The following C6 variants were observed in gnomAD, a reference collection of about 807,000 sequenced individuals.
C6 encodes the protein complement C6.
Under a neutral mutation model 112.9 loss-of-function variants are expected in C6, and 101 were observed. The ratio of observed to expected loss-of-function variants is 0.89; its 90% CI spans 0.76 to 1.06. The LOEUF (loss-of-function observed/expected upper bound fraction) is 1.06. C6 is among the 50% of genes least tolerant of loss of function. The probability of loss-of-function intolerance (pLI) is 0.00; values close to 1 mark genes in which losing one functional copy is unlikely to be tolerated. For synonymous variants in C6, 431 were observed against 384.1 expected, an observed-to-expected ratio of 1.12 and a Z score of -1.43; for missense variants, 1,202 against 1,104.6, an observed-to-expected ratio of 1.09 and a Z score of -1.25.
intron 6 of C6, among the ~76,000 whole-genome samples, chr5:41,184,062 C>A (rs1749573870): frequency 6.6e-6 from 1 of 151,746 alleles, no homozygotes; most frequent in South Asian, 2.1e-4. Context: ...TTTGTACCCC[C>A]AACCTCAGCA....
At chr5:41,258,712 A>C (rs1449831913) in intron 1 of C6, among the ~76,000 whole-genome samples, 1 of 152,206 alleles carries the variant, frequency 6.6e-6, no homozygotes, top group African/African-American at 2.4e-5. Flanking sequence ...ATTTATAAAG[A>C]AAAGAGGTTT....
intron 1 of C6, among the ~76,000 whole-genome samples, chr5:41,241,404 T>C (rs1740704042): frequency 6.6e-6 from 1 of 152,146 alleles, no homozygotes; most frequent in South Asian, 2.1e-4. Context: ...TTTACCAGGG[T>C]TGAGCCCCTG....
intron 1 of C6, among the ~76,000 whole-genome samples, chr5:41,220,108 T>A (rs1293465253): frequency 2.0e-5 from 3 of 152,212 alleles, no homozygotes; most frequent in Non-Finnish European, 4.4e-5. Flanking sequence ...AATGTCAACA[T>A]CTACTGACCT....
At chr5:41,253,930 A>G (rs946345870) in intron 1 of C6, among the ~76,000 whole-genome samples, 14 of 152,156 alleles carry the variant, frequency 9.2e-5, no homozygotes, top group Non-Finnish European at 1.0e-4. Context: ...GTAATTTGGG[A>G]TTTTATAACA....
chr5:41,172,364 A>T lies in C6; in HGVS notation c.1169-17T>A. On this transcript the variant is annotated splice_polypyrimidine_tract_variant and intron_variant, in intron 8 of 17. Transcript: ENST00000337836. ...CGGTTAAACCTAGGAGATGAAGTACAAACAGAAACCACTGAGAATGCACCA... is the reference window on the plus strand; with the variant it reads ...CGGTTAAACCTAGGAGATGAAGTACTAACAGAAACCACTGAGAATGCACCA... 6.2e-7 allele frequency: 1 copy of T among 1,613,014 alleles called. No homozygotes were observed. Among genetic ancestry groups the T allele is most frequent in the Non-Finnish European group, 8.5e-7 (1 of 1,179,264 alleles).
chr5:41,185,087 A>G (rs1200708748), intron 6 of C6, among the ~76,000 whole-genome samples: 1 of 152,196 alleles, frequency 6.6e-6, no homozygotes, highest in East Asian at 1.9e-4. Context: ...CATCAGAACA[A>G]TATTACATAT....
chr5:41,179,706 T>C (rs1264862592), intron 7 of C6, among the ~76,000 whole-genome samples: 5 of 148,310 alleles, frequency 3.4e-5, no homozygotes, highest in African/African-American at 1.2e-4. Context: ...TTATATATAG[T>C]TATATATAAT....
intron 9 of C6, among the ~76,000 whole-genome samples, chr5:41,165,746 C>A (rs994571705): frequency 6.6e-6 from 1 of 152,024 alleles, no homozygotes; most frequent in African/African-American, 2.4e-5. Context: ...TTAATTCTCA[C>A]AATAAGCATA....
chr5:41,175,030 C>T (rs1250670603), intron 8 of C6, among the ~76,000 whole-genome samples: 3 of 152,146 alleles, frequency 2.0e-5, no homozygotes, highest in African/African-American at 7.2e-5. Context: ...ATATCGAATA[C>T]ATCTTACTGA....
At chr5:41,149,605 C>A in intron 16 of C6, 123 bp from the exon 17 acceptor site, 1 of 1,245,676 alleles carries the variant, frequency 8.0e-7, no homozygotes, top group South Asian at 1.2e-5. Flanking sequence ...CCACCCCACT[C>A]CAAGCCCTGG....
chr5:41,251,686 C>T (rs143147027), intron 1 of C6, among the ~76,000 whole-genome samples: 4 of 152,282 alleles, frequency 2.6e-5, no homozygotes, highest in Admixed American at 1.3e-4. Flanking sequence ...CAATGACAGA[C>T]GCTAGGCAAA....
intron 1 of C6, among the ~76,000 whole-genome samples, chr5:41,211,458 C>T (rs897756697): frequency 6.6e-6 from 1 of 152,082 alleles, no homozygotes; most frequent in African/African-American, 2.4e-5. Context: ...AAGTAACTCG[C>T]CTTTCCTGGT....
chr5:41,154,542 TGTCTTGGCGAAAACTAC>T (rs1320460357), intron 14 of C6, among the ~76,000 whole-genome samples: 2 of 152,188 alleles, frequency 1.3e-5, no homozygotes, highest in Non-Finnish European at 2.9e-5. Context: ...CAAGGAGTAG[TGTCTTGGCGAAAACTAC>T]GTCTTACACA....
At position 41,142,127 on chromosome 5, in the gene C6, G is replaced by A. The variant is rs1334612559; in HGVS notation, c.*698C>T. The stretch of plus-strand genomic sequence containing the variant: ...CCACTGGAGCTCAATCATCCTTACA[G>A]CGATGTTTATTGTTATGGAATATTT... On this transcript the variant is annotated 3_prime_UTR_variant, in exon 18 of 18. Coordinates refer to ENST00000337836, the MANE Select transcript of C6 (RefSeq NM_000065.5). 2 of 152,274 alleles carry A rather than the reference G, an allele frequency of 1.3e-5. No homozygotes were observed. Among genetic ancestry groups the A allele is most frequent in the East Asian group, 1.9e-4 (1 of 5,194 alleles). 9.4% of individuals were successfully genotyped at this position (152,274 alleles called of 1,614,324 possible). A position where few individuals can be genotyped will look rare whatever the true frequency, so the allele number is the denominator to read the frequency against.
At chr5:41,231,998 T>C (rs1314109104) in intron 1 of C6, among the ~76,000 whole-genome samples, 2 of 152,096 alleles carry the variant, frequency 1.3e-5, no homozygotes, top group East Asian at 3.8e-4. Flanking sequence ...ACTATATCTG[T>C]TTTTTCTGTC....
chr5:41,234,647 T>C (rs1410614558), intron 1 of C6, among the ~76,000 whole-genome samples: 1 of 152,168 alleles, frequency 6.6e-6, no homozygotes, highest in Non-Finnish European at 1.5e-5. Context: ...GCCTAGTTCC[T>C]CTGCACAGTT....
intron 8 of C6, among the ~76,000 whole-genome samples, chr5:41,173,562 C>T (rs1327730444): frequency 1.3e-5 from 2 of 152,138 alleles, no homozygotes; most frequent in Non-Finnish European, 2.9e-5. Context: ...AATACGAGCA[C>T]ATGAGAGGTA....
Position 41,204,547 on chromosome 5 carries a change from G to T in C6, c.-20-1297C>A, listed in dbSNP as rs374969160. 1.2e-3 allele frequency among the ~76,000 whole-genome samples: 183 copies of T among 152,038 alleles called. 1 individual carries two copies. Among genetic ancestry groups the T allele is most frequent in the African/African-American group, 4.3e-3 (179 of 41,474 alleles). On this transcript the variant is annotated intron_variant, in intron 1 of 17. Transcript: ENST00000337836. The stretch of plus-strand genomic sequence containing the variant: ...AGGATACCTCAGTAAAAATAAATGG[G>T]GTTCATCATTTGATAAATCTTGGTT...
chr5:41,155,310 T>C (rs1225237498), intron 13 of C6, among the ~76,000 whole-genome samples: 1 of 152,204 alleles, frequency 6.6e-6, no homozygotes, highest in East Asian at 1.9e-4. Context: ...TCTTTCTTAC[T>C]AGGGCAACTT....
Sources: allele counts gnomAD v4.1 joint callset (sites outside exome capture counted in the v4.1 genomes callset), GRCh38; gene constraint gnomAD v4.1.1; transcripts MANE v1.5; gene names NCBI Gene and HGNC (gene_info 2026-07-23, HGNC 2026-07-21).